Variants in PCNX2 observed in about 807,000 individuals in gnomAD.
The protein encoded by PCNX2 is pecanex 2.
Under a neutral mutation model 223.8 loss-of-function variants are expected in PCNX2, and 168 were observed. The observed-to-expected ratio is 0.75, with a 90% CI of 0.66 to 0.85. The LOEUF (loss-of-function observed/expected upper bound fraction) is 0.85. Among genes scored for constraint, PCNX2 ranks in the 40% least tolerant of loss-of-function variants. The pLI is 0.00. For synonymous variants in PCNX2, 1,006 were observed against 1,052.6 expected, an observed-to-expected ratio of 0.96 and a Z score of 0.86; for missense variants, 2,507 against 2,675.5, an observed-to-expected ratio of 0.94 and a Z score of 1.39.
chr1:233,127,750 G>C (rs1406676650), intron 21 of PCNX2, among the ~76,000 whole-genome samples: 1 of 152,178 alleles, frequency 6.6e-6, no homozygotes, highest in Non-Finnish European at 1.5e-5. Context: ...CTGTTGTGAA[G>C]ATTACATATG....
intron 22 of PCNX2, among the ~76,000 whole-genome samples, chr1:233,091,754 G>T (rs996678045): frequency 1.4e-5 from 2 of 141,280 alleles, no homozygotes; most frequent in Admixed American, 7.0e-5. Flanking sequence ...AAAAAATCAT[G>T]ATTTTTTTTT....
chr1:233,250,948 G>A lies in PCNX2; in HGVS notation c.2129-116C>T. The A allele has an allele frequency of 1.1e-5, 12 of 1,088,502 alleles. No individual in the cohort carries two copies. The South Asian group carries it at 1.3e-4, about 11-fold the overall frequency. The allele number at this position is 1,088,502 out of a possible 1,614,324, so 67.4% of individuals were successfully genotyped here. Reference sequence around the variant, plus strand: ...CTTATTTTGGTCTGTTATAATAACTGTTGACAATCGGGGTCCATTCTTTAT... The same window carrying A: ...CTTATTTTGGTCTGTTATAATAACTATTGACAATCGGGGTCCATTCTTTAT... On this transcript the variant is annotated intron_variant, in intron 7 of 33. Coordinates refer to ENST00000258229, the MANE Select transcript of PCNX2 (RefSeq NM_014801.4).
rs149839850 is a variant in PCNX2 at position 233,064,411 on chromosome 1, T to A, written c.4077-7121A>T. On this transcript the variant is annotated intron_variant, in intron 23 of 33. Transcript: ENST00000258229. ...GGAGACTTGTCCCCACTCTTCCCTC[T>A]CTCTGACCAGTTGAGATTTCTTGTT... 1.9e-3 allele frequency among the ~76,000 whole-genome samples: 292 copies of A among 152,330 alleles called. 2 individuals are homozygous for A. Among genetic ancestry groups the A allele is most frequent in the African/African-American group, 6.0e-3 (250 of 41,574 alleles).
intron 27 of PCNX2, 64 bp downstream of exon 27, chr1:233,016,857 A>G: frequency 6.4e-7 from 1 of 1,564,372 alleles, no homozygotes; most frequent in Non-Finnish European, 8.7e-7. Flanking sequence ...AGAGATGGAC[A>G]TGACAATGTT....
chr1:233,184,250 G>A (rs948043863), intron 15 of PCNX2, among the ~76,000 whole-genome samples: 1 of 151,804 alleles, frequency 6.6e-6, no homozygotes, highest in African/African-American at 2.4e-5. Flanking sequence ...AAGGTCAAGG[G>A]AACAAGTGTT....
chr1:233,007,577 G>A (rs1362824788), intron 28 of PCNX2, among the ~76,000 whole-genome samples: 2 of 152,002 alleles, frequency 1.3e-5, no homozygotes, highest in Non-Finnish European at 2.9e-5. Context: ...TCTCTCTGTT[G>A]CCCAGGCTGG....
chr1:233,209,138 C>T (rs968157085), intron 12 of PCNX2, among the ~76,000 whole-genome samples: 1 of 152,072 alleles, frequency 6.6e-6, no homozygotes. Flanking sequence ...CTTTAATTTC[C>T]CAGTCTCTTA....
intron 20 of PCNX2, among the ~76,000 whole-genome samples, chr1:233,137,506 G>A (rs1676879098): frequency 6.6e-6 from 1 of 152,206 alleles, no homozygotes; most frequent in South Asian, 2.1e-4. Context: ...CATTAAAGGT[G>A]TTTTGGTCTT....
At chr1:233,306,214 A>T in the PCNX2 span, among the ~76,000 whole-genome samples, 1 of 152,252 alleles carries the variant, frequency 6.6e-6, no homozygotes, top group African/African-American at 2.4e-5. Flanking sequence ...AAGATAAAAT[A>T]GTTATAAACC....
At chr1:233,327,086 C>G in the PCNX2 span, among the ~76,000 whole-genome samples, 1 of 152,132 alleles carries the variant, frequency 6.6e-6, no homozygotes, top group Non-Finnish European at 1.5e-5. Context: ...CACCGCGCTA[C>G]AATTTCTTCT....
chr1:233,251,157 C>G (rs951382871), intron 7 of PCNX2, among the ~76,000 whole-genome samples: 2 of 152,194 alleles, frequency 1.3e-5, no homozygotes, highest in South Asian at 4.1e-4. Context: ...TACATACGTT[C>G]TCTTCATGTG....
intron 13 of PCNX2, among the ~76,000 whole-genome samples, chr1:233,203,878 T>C (rs1368663429): frequency 1.3e-5 from 2 of 152,134 alleles, no homozygotes; most frequent in Non-Finnish European, 2.9e-5. Context: ...CTCTAGGAAA[T>C]ACTCCATGCT....
chr1:233,094,040 A>G (rs1674021134), intron 22 of PCNX2, among the ~76,000 whole-genome samples: 1 of 152,218 alleles, frequency 6.6e-6, no homozygotes, highest in Non-Finnish European at 1.5e-5. Flanking sequence ...TTTGAAAATT[A>G]TGGTTCCCAC....
chr1:233,228,404 T>C (rs1657870184), intron 9 of PCNX2, among the ~76,000 whole-genome samples: 1 of 152,198 alleles, frequency 6.6e-6, no homozygotes, highest in South Asian at 2.1e-4. Context: ...ATTTTAAGTG[T>C]AAAATTCAAT....
intron 23 of PCNX2, among the ~76,000 whole-genome samples, chr1:233,067,624 C>T (rs569914066): frequency 1.9e-4 from 29 of 151,994 alleles, no homozygotes; most frequent in Admixed American, 1.2e-3. Context: ...CAGGTGCATG[C>T]CACCACACCC....
At chr1:233,128,598 G>A (rs904527716) in intron 21 of PCNX2, among the ~76,000 whole-genome samples, 1 of 152,146 alleles carries the variant, frequency 6.6e-6, no homozygotes, top group Non-Finnish European at 1.5e-5. Context: ...GCCTCCCGAA[G>A]TGCTGGGATT....
intron 21 of PCNX2, among the ~76,000 whole-genome samples, chr1:233,129,910 T>C (rs1461680611): frequency 1.3e-5 from 2 of 152,214 alleles, no homozygotes; most frequent in Admixed American, 6.5e-5. Flanking sequence ...GCCAGGGTAC[T>C]GAGAGCTTTG....
chr1:233,172,565 G>A lies in PCNX2; in HGVS notation c.3273+5237C>T, dbSNP rs569336366. ...AGAGTGTGGCACTTTGGTGTCCCAG[G>A]CTGATGATCCATGGTCTGGCATTGG... is the stretch of plus-strand genomic sequence containing the variant. On this transcript the variant is annotated intron_variant, in intron 17 of 33. Transcript: ENST00000258229. 2.0e-4 allele frequency: 197 copies of A among 984,828 alleles called. No individual in the cohort carries two copies. In the Middle Eastern group the frequency reaches 4.7e-3, roughly 24 times the overall value. The allele number at this position is 984,828 out of a possible 1,614,324, so 61.0% of individuals were successfully genotyped here.
chr1:233,301,773 G>C, the PCNX2 span, among the ~76,000 whole-genome samples: 29 of 148,696 alleles, frequency 2.0e-4, no homozygotes, highest in Non-Finnish European at 3.6e-4. Context: ...GAAAGATAAA[G>C]TCACAGGACC....
Sources: allele counts gnomAD v4.1 joint callset (sites outside exome capture counted in the v4.1 genomes callset), GRCh38; gene constraint gnomAD v4.1.1; transcripts MANE v1.5; gene names NCBI Gene and HGNC (gene_info 2026-07-23, HGNC 2026-07-21).